Variants in ATG5 observed in about 807,000 individuals in gnomAD.
ATG5 encodes autophagy related 5.
A neutral mutation model predicts 36.5 loss-of-function variants in ATG5; 14 were observed. That is an observed-to-expected ratio of 0.38 (90% CI 0.25 to 0.60). The LOEUF (loss-of-function observed/expected upper bound fraction) is 0.60. ATG5 is among the 20% of genes least tolerant of loss of function. ATG5 has a pLI of 0.60. For missense variants in ATG5, 195 were observed against 326.7 expected (o/e 0.60, Z 3.11); for synonymous variants, 95 against 101.5 (o/e 0.94, Z 0.38).
chr6:106,257,590 GT>G (rs1778849401), intron 5 of ATG5, among the ~76,000 whole-genome samples: 1 of 152,162 alleles, frequency 6.6e-6, no homozygotes, highest in Non-Finnish European at 1.5e-5. Context: ...AGGGATCTAG[GT>G]TCAAATTCTG....
At chr6:106,215,104 A>C (rs919421218) in intron 6 of ATG5, among the ~76,000 whole-genome samples, 3 of 152,240 alleles carry the variant, frequency 2.0e-5, no homozygotes, top group Non-Finnish European at 4.4e-5. Flanking sequence ...TGAAGAATCA[A>C]AGGGCACTTC....
intron 5 of ATG5, among the ~76,000 whole-genome samples, chr6:106,274,332 T>A (rs1243888769): frequency 6.6e-6 from 1 of 150,546 alleles, no homozygotes; most frequent in Non-Finnish European, 1.5e-5. Context: ...ATATATAAAA[T>A]GAAAACTCAT....
chr6:106,209,405 T>C (rs1386947836), intron 6 of ATG5, among the ~76,000 whole-genome samples: 2 of 152,210 alleles, frequency 1.3e-5, no homozygotes, highest in Non-Finnish European at 2.9e-5. Context: ...AAGGGAGTTA[T>C]GTTATGTGAA....
chr6:106,207,050 T>C (rs1337364560), intron 6 of ATG5, among the ~76,000 whole-genome samples: 3 of 152,194 alleles, frequency 2.0e-5, no homozygotes, highest in Non-Finnish European at 2.9e-5. Context: ...TTTGTAAATA[T>C]GCAAAGTATT....
At chr6:106,287,783 GA>G (rs1780138407) in intron 4 of ATG5, among the ~76,000 whole-genome samples, 1 of 151,818 alleles carries the variant, frequency 6.6e-6, no homozygotes, top group African/African-American at 2.4e-5. Context: ...GACAAAGAGA[GA>G]AAAAATTTTT....
At chr6:106,279,423 C>T (rs1779789931) in intron 5 of ATG5, among the ~76,000 whole-genome samples, 2 of 152,146 alleles carry the variant, frequency 1.3e-5, no homozygotes, top group East Asian at 1.9e-4. Flanking sequence ...GTTTATATGA[C>T]ATATGCCATA....
At chr6:106,268,292 G>T (rs776654081) in intron 5 of ATG5, among the ~76,000 whole-genome samples, 1 of 152,196 alleles carries the variant, frequency 6.6e-6, no homozygotes, top group African/African-American at 2.4e-5. Context: ...CATCTTCACT[G>T]ATCATTAGAG....
At chr6:106,219,135 A>T (rs1247631094) in intron 6 of ATG5, among the ~76,000 whole-genome samples, 1 of 152,226 alleles carries the variant, frequency 6.6e-6, no homozygotes, top group Non-Finnish European at 1.5e-5. Context: ...ACTATGAAAT[A>T]ATCTATGTTC....
At chr6:106,281,723 G>T (rs941639124) in intron 4 of ATG5, among the ~76,000 whole-genome samples, 1 of 152,166 alleles carries the variant, frequency 6.6e-6, no homozygotes, top group African/African-American at 2.4e-5. Flanking sequence ...TAGAGTAAGT[G>T]TATGTTCTAA....
chr6:106,262,210 T>C (rs997993804), intron 5 of ATG5, among the ~76,000 whole-genome samples: 29 of 152,108 alleles, frequency 1.9e-4, no homozygotes, highest in African/African-American at 6.8e-4. Context: ...GTAGCTCGGA[T>C]TAGAGGCGTG....
chr6:106,269,660 TCATTGCCCGGGGCCGGCAGGGCCGG>T (rs1779371610), intron 5 of ATG5, among the ~76,000 whole-genome samples: 2 of 152,186 alleles, frequency 1.3e-5, no homozygotes, highest in South Asian at 4.1e-4. Context: ...GCTAAGCCCC[TCATTGCCCGGGGCCGGCAGGGCCGG>T]CCGGCTGCTC....
Position 106,185,224 on chromosome 6 carries a change from A to G in ATG5, c.*1316T>C, listed in dbSNP as rs932427370. The G allele has an allele frequency of 3.9e-5, 6 of 152,766 alleles. No homozygotes were observed. Among genetic ancestry groups the G allele is most frequent in the African/African-American group, 7.2e-5 (3 of 41,458 alleles). The allele number at this position is 152,766 out of a possible 1,614,324, so 9.5% of individuals were successfully genotyped here. On this transcript the variant is annotated 3_prime_UTR_variant, in exon 8 of 8. Transcript: ENST00000369076. ...AAAAGGAAGCAATGAACAATAGTAG[A>G]ATCTCACTTCAGCATTTGTATAATT...
chr6:106,220,254 T>C (rs929749878), intron 6 of ATG5, among the ~76,000 whole-genome samples: 1 of 152,198 alleles, frequency 6.6e-6, no homozygotes, highest in African/African-American at 2.4e-5. Flanking sequence ...TGTATCAATA[T>C]GTAATATCAA....
Position 106,316,137 on chromosome 6 carries a change from C to T in ATG5, c.72G>A (p.Gln24=), listed in dbSNP as rs1191393029. The T allele has an allele frequency of 3.1e-6, 5 of 1,613,452 alleles. No individual in the cohort carries two copies. The East Asian group carries it at 1.1e-4, about 36-fold the overall frequency. Residue 24 remains glutamine, a synonymous_variant, in exon 2 of 8, where the codon CAG becomes CAA. Coordinates refer to ENST00000369076, the MANE Select transcript of ATG5 (RefSeq NM_004849.4). ...CTGCTTCCCTTTCAGTTATCTCATC[C>T]TGATATAGCGTGAAACAAGTTGGAA... ...GRIPTCFTLY[Q]DEITEREAEP...
chr6:106,308,306 A>ATATAC, intron 3 of ATG5, 58 bp downstream of exon 3: 1 of 1,407,600 alleles, frequency 7.1e-7, no homozygotes, highest in Non-Finnish European at 9.3e-7. Flanking sequence ...TCAGGGCACT[A>ATATAC]TACCTTTTTA....
intron 6 of ATG5, among the ~76,000 whole-genome samples, chr6:106,239,866 C>T (rs1230863870): frequency 6.6e-6 from 1 of 152,282 alleles, no homozygotes; most frequent in African/African-American, 2.4e-5. Flanking sequence ...CAACAGAGAC[C>T]ATCTTGTCTA....
chr6:106,307,374 T>C (rs1332741166), intron 3 of ATG5, among the ~76,000 whole-genome samples: 1 of 152,166 alleles, frequency 6.6e-6, no homozygotes, highest in Non-Finnish European at 1.5e-5. Flanking sequence ...ACATCCAGCA[T>C]ACCTTCAACT....
At chr6:106,296,373 CATT>C (rs539627620) in intron 3 of ATG5, among the ~76,000 whole-genome samples, 149 of 152,278 alleles carry the variant, frequency 9.8e-4, no homozygotes, top group African/African-American at 3.4e-3. Flanking sequence ...CTTATTTCAT[CATT>C]ATTTGTCAAT....
chr6:106,255,650 T>C (rs985351672), intron 5 of ATG5, among the ~76,000 whole-genome samples: 8 of 152,320 alleles, frequency 5.3e-5, no homozygotes, highest in South Asian at 2.1e-4. Flanking sequence ...TTCAAATGTA[T>C]TTTTAAGCCA....
Sources: gnomAD v4.1 joint callset for allele counts (sites outside exome capture counted in the v4.1 genomes callset) on GRCh38, gnomAD v4.1.1 for gene constraint, MANE v1.5 for transcripts, NCBI Gene and HGNC (gene_info 2026-07-23, HGNC 2026-07-21) for gene names.